FRYL: variants seen among roughly 807,000 people sequenced by gnomAD.
The protein encoded by FRYL is protein furry homolog-like.
FRYL carries 150 observed loss-of-function variants against 351.2 expected under a neutral mutation model. The observed-to-expected ratio is 0.43, with a 90% CI of 0.37 to 0.49. The LOEUF (loss-of-function observed/expected upper bound fraction) is 0.49. Ranked by LOEUF, FRYL falls within the 20% of genes least tolerant of loss-of-function variation. FRYL has a pLI of 0.00. For missense variants in FRYL, 3,036 were observed against 3,619.3 expected, an observed-to-expected ratio of 0.84 and a Z score of 4.13; for synonymous variants, 1,153 against 1,257.1, an observed-to-expected ratio of 0.92 and a Z score of 1.75.
intron 1 of FRYL, among the ~76,000 whole-genome samples, chr4:48,769,942 C>T (rs1454443269): frequency 3.9e-5 from 6 of 152,126 alleles, no homozygotes; most frequent in African/African-American, 7.2e-5. Context: ...TTGAGCTTCA[C>T]GAGGGAGTTT....
chr4:48,706,584 T>C (rs1767377578), intron 2 of FRYL, among the ~76,000 whole-genome samples: 1 of 152,246 alleles, frequency 6.6e-6, no homozygotes, highest in South Asian at 2.1e-4. Flanking sequence ...TGCACAACAA[T>C]GTGAATGTAT....
chr4:48,566,769 T>C (rs1736893516), intron 28 of FRYL, among the ~76,000 whole-genome samples: 1 of 152,240 alleles, frequency 6.6e-6, no homozygotes, highest in Non-Finnish European at 1.5e-5. Context: ...ATTGTGTATA[T>C]TAATCTTCCT....
At chr4:48,678,636 T>C (rs1457717354) in intron 3 of FRYL, among the ~76,000 whole-genome samples, 1 of 152,062 alleles carries the variant, frequency 6.6e-6, no homozygotes, top group African/African-American at 2.4e-5. Flanking sequence ...AAATTAATTT[T>C]AATAGTCATT....
At chr4:48,658,598 A>AAT (rs1284899532) in intron 3 of FRYL, among the ~76,000 whole-genome samples, 23 of 150,466 alleles carry the variant, frequency 1.5e-4, no homozygotes, top group African/African-American at 5.6e-4. Flanking sequence ...AAAAAAAAAA[A>AAT]AAAAAAATTG....
chr4:48,630,945 T>C (rs1414250502), intron 4 of FRYL, among the ~76,000 whole-genome samples: 1 of 152,186 alleles, frequency 6.6e-6, no homozygotes, highest in African/African-American at 2.4e-5. Flanking sequence ...TAGATGATTA[T>C]TACCTAAAAG....
At position 48,690,063 on chromosome 4, in the gene FRYL, ATT is replaced by A. The variant is rs67814663; in HGVS notation, c.-203-5270_-203-5269del. Among the ~76,000 whole-genome samples, 481 of 139,718 alleles carry A rather than the reference ATT, an allele frequency of 3.4e-3. 2 individuals carry two copies. The highest frequency in any genetic ancestry group is 6.8e-3 in the African/African-American group (257 of 37,854). 91.7% of individuals were successfully genotyped at this position (139,718 alleles called of 152,430 possible). ...AGGTGCCCGCCACCGTGCCCAGCTA[ATT>A]TTTTTTTTTTTTTGTATTTTTAGTA... On this transcript the variant is annotated intron_variant, in intron 2 of 63. Transcript: ENST00000358350.
In FRYL at chr4:48,540,877, G is replaced by T. The variant is rs1283619930; in HGVS notation, c.5771C>A (p.Pro1924His). Residue 1924 changes from proline to histidine, a missense_variant, in exon 46 of 64, where the codon CCC (proline) becomes CAC (histidine). Pro to His is a moderately conservative substitution (Grantham distance 77, BLOSUM62 -2). This residue lies in a region of FRYL where 1,987 missense variants were observed against 2,311.7 expected (regional missense o/e 0.86). Transcript: ENST00000358350. ...TCCCAAATAACTGCTACTATTAATG[G>T]GACTTGTGCTTAGATTGAGTTGTCC... ...STGQLNLSTS[P>H]INSSSYLGYN... The T allele has an allele frequency of 1.9e-6, 3 of 1,613,628 alleles. No individual in the cohort carries two copies. The highest frequency in any genetic ancestry group is 1.7e-4 in the Middle Eastern group (1 of 6,050).
intron 1 of FRYL, among the ~76,000 whole-genome samples, chr4:48,764,151 C>T (rs1215438303): frequency 1.3e-5 from 2 of 152,088 alleles, no homozygotes; most frequent in South Asian, 2.1e-4. Flanking sequence ...GCCTGTGTGA[C>T]AGAGCAAGAC....
intron 50 of FRYL, 114 bp downstream of exon 50, chr4:48,531,042 A>G (rs1727471465): frequency 1.4e-6 from 1 of 720,778 alleles, no homozygotes; most frequent in Non-Finnish European, 2.4e-6. Flanking sequence ...AACAGCTATC[A>G]TATTGTCTAA....
intron 1 of FRYL, among the ~76,000 whole-genome samples, chr4:48,728,449 A>G (rs1320114896): frequency 6.6e-6 from 1 of 152,148 alleles, no homozygotes; most frequent in East Asian, 1.9e-4. Context: ...GGAGAGGAAC[A>G]GAAGAAATAC....
chr4:48,693,489 G>A (rs779366380), intron 2 of FRYL, among the ~76,000 whole-genome samples: 8 of 151,832 alleles, frequency 5.3e-5, no homozygotes, highest in South Asian at 4.2e-4. Flanking sequence ...TATTCTCCCC[G>A]TTTATTTTTT....
chr4:48,679,886 G>A (rs1364943008), intron 3 of FRYL, among the ~76,000 whole-genome samples: 1 of 151,826 alleles, frequency 6.6e-6, no homozygotes, highest in Non-Finnish European at 1.5e-5. Context: ...CCCAAAGTAT[G>A]AAGTGATATA....
chr4:48,706,053 T>C (rs1578778444), intron 2 of FRYL, among the ~76,000 whole-genome samples: 1 of 152,184 alleles, frequency 6.6e-6, no homozygotes, highest in African/African-American at 2.4e-5. Context: ...GACAGGCTGG[T>C]CTCAAACTTC....
At chr4:48,773,225 C>T (rs768958154) in intron 1 of FRYL, among the ~76,000 whole-genome samples, 6 of 152,082 alleles carry the variant, frequency 3.9e-5, no homozygotes, top group African/African-American at 7.2e-5. Flanking sequence ...TATTATAAGA[C>T]GCAAGATAAA....
chr4:48,697,725 C>T (rs78949281), intron 2 of FRYL, among the ~76,000 whole-genome samples: 3,977 of 152,154 alleles, frequency 0.026, 68 homozygotes, highest in Admixed American at 0.046. Context: ...GTGATCCACC[C>T]GCATGGGCCT....
intron 60 of FRYL, among the ~76,000 whole-genome samples, chr4:48,504,791 A>ATTAT (rs989551068): frequency 3.9e-5 from 6 of 151,916 alleles, no homozygotes; most frequent in African/African-American, 1.5e-4. Flanking sequence ...CGAGTATACT[A>ATTAT]TTATTTTCTC....
At chr4:48,683,867 CT>C (rs1764911360) in intron 3 of FRYL, among the ~76,000 whole-genome samples, 1 of 152,198 alleles carries the variant, frequency 6.6e-6, no homozygotes, top group Admixed American at 6.5e-5. Flanking sequence ...TTCTCCCCCT[CT>C]CTCCCTCCTT....
Position 48,581,558 on chromosome 4 carries a change from G to A in FRYL, c.2034C>T (p.Ser678=), listed in dbSNP as rs1178538483. The A allele has an allele frequency of 6.8e-6, 11 of 1,613,250 alleles. No homozygotes were observed. Among genetic ancestry groups the A allele is most frequent in the Non-Finnish European group, 8.5e-6 (10 of 1,179,664 alleles). Residue 678 remains serine (S), a synonymous_variant, in exon 21 of 64, where the codon AGC becomes AGT. Transcript: ENST00000358350. ...CCACATGGAATACATTGGAATATGG[G>A]CTCCTTTCCAGAGGAGGGGGATGAG... The part of the protein sequence containing the change: ...GASHPPPLER[S]PYSNVFHVVE...
rs759253750 is a variant in FRYL, at chr4:48,535,687, T to A, written c.6534A>T (p.Thr2178=). ...CAAGATAAGTCACAAGATTAAATGT[T>A]GTATCTGAGAAGGAGTCATGCAGGT... The part of the protein sequence containing the change: ...CRYLHDSFSD[T]TFNLVTYLAE... Residue 2178 remains threonine (T), a synonymous_variant, in exon 48 of 64, where the codon ACA becomes ACT. Coordinates refer to ENST00000358350, the MANE Select transcript of FRYL (RefSeq NM_015030.2). The A allele has an allele frequency of 1.9e-6, 3 of 1,589,728 alleles. No individual in the cohort carries two copies. Among genetic ancestry groups the A allele is most frequent in the Non-Finnish European group, 2.6e-6 (3 of 1,171,062 alleles).
Sources: gnomAD v4.1 joint callset for allele counts (sites outside exome capture counted in the v4.1 genomes callset) on GRCh38, gnomAD v4.1.1 for gene constraint, gnomAD v4.1.1 regional missense constraint, MANE v1.5 for transcripts, NCBI Gene and HGNC (gene_info 2026-07-23, HGNC 2026-07-21) for gene names.